PRKAR2B: variants seen among roughly 807,000 people sequenced by gnomAD.
The protein encoded by PRKAR2B is protein kinase cAMP-dependent type II regulatory subunit beta.
A neutral mutation model predicts 49.9 loss-of-function variants in PRKAR2B; 14 were observed. That is an observed-to-expected ratio of 0.28 (90% confidence interval 0.19 to 0.44). The LOEUF is 0.44. Ranked by LOEUF, PRKAR2B falls within the 20% of genes least tolerant of loss-of-function variation. The probability of loss-of-function intolerance (pLI) is 1.00; values close to 1 mark genes in which losing one functional copy is unlikely to be tolerated. For synonymous variants in PRKAR2B, 196 were observed against 197.7 expected (o/e 0.99, Z 0.07); for missense variants, 393 against 537.9 (o/e 0.73, Z 2.67).
rs546680685 is a variant in PRKAR2B, at chr7:107,145,925, G to A, written c.588-383G>A. Among the ~76,000 whole-genome samples the A allele has an allele frequency of 6.6e-3, 1,010 of 151,928 alleles. 15 individuals carry two copies. Among genetic ancestry groups the A allele is most frequent in the Middle Eastern group, 0.014 (4 of 294 alleles). On this transcript the variant is annotated intron_variant, in intron 5 of 10. Transcript: ENST00000265717. ...CGGCTAATATTTTGTATTTTTAATA[G>A]AGACAGGGTTTCACCATGTTGGCCA...
intron 2 of PRKAR2B, among the ~76,000 whole-genome samples, chr7:107,116,884 CAT>C (rs199761562): frequency 0.029 from 4,234 of 147,588 alleles, 190 homozygotes; most frequent in African/African-American, 0.099. Context: ...TATATACACA[CAT>C]ATATATATAT....
At chr7:107,091,781 A>G (rs1401428109) in intron 2 of PRKAR2B, 2 of 152,126 alleles carry the variant, frequency 1.3e-5, no homozygotes, top group African/African-American at 4.8e-5. Flanking sequence ...TTCCTATGGG[A>G]TTTTCAAGAA....
At chr7:107,130,780 A>G (rs1211333942) in intron 4 of PRKAR2B, among the ~76,000 whole-genome samples, 1 of 152,190 alleles carries the variant, frequency 6.6e-6, no homozygotes, top group Non-Finnish European at 1.5e-5. Flanking sequence ...GCAAGGACCA[A>G]TGTAGTATTT....
intron 2 of PRKAR2B, among the ~76,000 whole-genome samples, chr7:107,072,796 A>C (rs1794306641): frequency 6.6e-6 from 1 of 152,146 alleles, no homozygotes; most frequent in African/African-American, 2.4e-5. Flanking sequence ...AATTAAAAAG[A>C]TTTCTTATGA....
At chr7:107,112,194 A>G (rs1414864622) in intron 2 of PRKAR2B, among the ~76,000 whole-genome samples, 2 of 149,758 alleles carry the variant, frequency 1.3e-5, no homozygotes, top group Admixed American at 6.7e-5. Flanking sequence ...AAAAAAAAAA[A>G]AAAAAAGAAC....
At chr7:107,128,752 ATTAAAAGT>A (rs1795544397) in intron 4 of PRKAR2B, 1 of 149,572 alleles carries the variant, frequency 6.7e-6, no homozygotes, top group South Asian at 2.1e-4. Context: ...TATTATACAG[ATTAAAAGT>A]AATATTTCAC....
intron 2 of PRKAR2B, among the ~76,000 whole-genome samples, chr7:107,098,102 T>C (rs910106613): frequency 2.6e-5 from 4 of 152,194 alleles, no homozygotes; most frequent in Non-Finnish European, 5.9e-5. Flanking sequence ...TCCTGAAGAG[T>C]GTTTTCCAAC....
intron 2 of PRKAR2B, among the ~76,000 whole-genome samples, chr7:107,107,817 C>T (rs1415810856): frequency 2.0e-5 from 3 of 152,006 alleles, no homozygotes; most frequent in South Asian, 2.1e-4. Context: ...GCCACCATGC[C>T]CAGCTAATTT....
intron 1 of PRKAR2B, among the ~76,000 whole-genome samples, chr7:107,052,506 T>G (rs982114374): frequency 6.6e-6 from 1 of 152,246 alleles, no homozygotes; most frequent in African/African-American, 2.4e-5. Context: ...GGAACAGTGC[T>G]TTACACATTG....
chr7:107,065,885 A>T (rs1794127419), intron 1 of PRKAR2B, among the ~76,000 whole-genome samples: 2 of 152,220 alleles, frequency 1.3e-5, no homozygotes, highest in African/African-American at 4.8e-5. Context: ...CACTGCTGAG[A>T]TAGAGACTTC....
intron 5 of PRKAR2B, among the ~76,000 whole-genome samples, chr7:107,143,409 C>T (rs1316959031): frequency 6.6e-6 from 1 of 152,218 alleles, no homozygotes; most frequent in Non-Finnish European, 1.5e-5. Context: ...GTACGAGGTA[C>T]AGTAACTTTA....
At chr7:107,060,342 C>G (rs1332609908) in intron 1 of PRKAR2B, among the ~76,000 whole-genome samples, 3 of 152,164 alleles carry the variant, frequency 2.0e-5, no homozygotes, top group Non-Finnish European at 2.9e-5. Flanking sequence ...CCAGTTTGTA[C>G]TGTCATCAGC....
intron 2 of PRKAR2B, among the ~76,000 whole-genome samples, chr7:107,114,816 A>G (rs1396493045): frequency 6.6e-6 from 1 of 152,102 alleles, no homozygotes; most frequent in African/African-American, 2.4e-5. Context: ...TGGGGTGTGA[A>G]TGTTAATTAA....
At chr7:107,152,798 A>T (rs974158562) in intron 7 of PRKAR2B, among the ~76,000 whole-genome samples, 6 of 152,238 alleles carry the variant, frequency 3.9e-5, no homozygotes, top group Admixed American at 3.9e-4. Flanking sequence ...TTTAAATAAG[A>T]GTAGGTCAGG....
intron 2 of PRKAR2B, among the ~76,000 whole-genome samples, chr7:107,100,384 T>G (rs1794937049): frequency 6.6e-6 from 1 of 152,240 alleles, no homozygotes; most frequent in Admixed American, 6.5e-5. Flanking sequence ...GTTGTTCCCC[T>G]GTATGAAATA....
intron 1 of PRKAR2B, among the ~76,000 whole-genome samples, chr7:107,055,067 G>GT (rs1343673710): frequency 1.3e-5 from 2 of 152,050 alleles, no homozygotes; most frequent in African/African-American, 4.8e-5. Flanking sequence ...GCGGTGTTTG[G>GT]TTTTTTGTCC....
In PRKAR2B at chr7:107,155,403, AAAAT is replaced by A. The variant is rs1411600736; in HGVS notation, c.919-1571_919-1568del. 9.2e-5 allele frequency among the ~76,000 whole-genome samples: 14 copies of A among 152,270 alleles called. No individual in the cohort carries two copies. The South Asian group carries it at 1.5e-3, about 16-fold the overall frequency. The stretch of plus-strand genomic sequence containing the variant: ...ACCCCATCTCTAATAAAAATACAAA[AAAAT>A]AAATAAATACGGGTTCTAGATCCCT... On this transcript the variant is annotated intron_variant, in intron 8 of 10. Transcript: ENST00000265717.
chr7:107,112,349 TTTTAA>T (rs1478047079), intron 2 of PRKAR2B, among the ~76,000 whole-genome samples: 3 of 152,044 alleles, frequency 2.0e-5, no homozygotes, highest in East Asian at 3.8e-4. Context: ...TCATTTTTCT[TTTTAA>T]TTTAAAGGTT....
chr7:107,154,427 C>G (rs1358587143), intron 8 of PRKAR2B, among the ~76,000 whole-genome samples: 1 of 152,236 alleles, frequency 6.6e-6, no homozygotes, highest in East Asian at 1.9e-4. Flanking sequence ...TTAAAAATTA[C>G]TCAGCAGTTA....
Sources: allele counts gnomAD v4.1 joint callset (sites outside exome capture counted in the v4.1 genomes callset), GRCh38; gene constraint gnomAD v4.1.1; transcripts MANE v1.5; gene names NCBI Gene and HGNC (gene_info 2026-07-23, HGNC 2026-07-21).